Variants in DCC observed in about 807,000 individuals in gnomAD.
DCC encodes DCC netrin 1 receptor.
In DCC, 58 loss-of-function variants were observed where a neutral mutation model predicts 172.5. The observed-to-expected ratio is 0.34, with a 90% CI of 0.27 to 0.42. The LOEUF (loss-of-function observed/expected upper bound fraction) is 0.42. Among genes scored for constraint, DCC ranks in the 10% least tolerant of loss-of-function variants. The pLI, the probability that DCC is intolerant of heterozygous loss-of-function variation, is 1.00. For missense variants in DCC, 1,740 were observed against 1,791.0 expected, an observed-to-expected ratio of 0.97 and a Z score of 0.51; for synonymous variants, 709 against 644.5, an observed-to-expected ratio of 1.10 and a Z score of -1.52.
At chr18:53,021,333 A>G (rs2041879039) in intron 5 of DCC, among the ~76,000 whole-genome samples, 1 of 152,214 alleles carries the variant, frequency 6.6e-6, no homozygotes, top group Non-Finnish European at 1.5e-5. Flanking sequence ...ATTTTTCTTT[A>G]AAGCTATTGA....
intron 1 of DCC, among the ~76,000 whole-genome samples, chr18:52,739,495 A>G (rs759804593): frequency 3.9e-5 from 6 of 152,166 alleles, no homozygotes; most frequent in Non-Finnish European, 8.8e-5. Context: ...CAAAAATATG[A>G]TCTGCAACAG....
At position 53,088,512 on chromosome 18, in the gene DCC, A is replaced by G. The variant is rs193147225; in HGVS notation, c.1261+22346A>G. ...CTTAAGGAGATTTGGGGCTGAGACA[A>G]TGGGGTTTTCTAGATATACAATCAT... On this transcript the variant is annotated intron_variant, in intron 7 of 28. Coordinates refer to ENST00000442544, the MANE Select transcript of DCC (RefSeq NM_005215.4). Among the ~76,000 whole-genome samples, 24 of 152,294 alleles carry G rather than the reference A, an allele frequency of 1.6e-4. No individual in the cohort carries two copies. In the East Asian group the frequency reaches 4.4e-3, roughly 28 times the overall value.
chr18:52,534,339 T>A (rs2032231621), intron 1 of DCC, among the ~76,000 whole-genome samples: 1 of 152,114 alleles, frequency 6.6e-6, no homozygotes, highest in African/African-American at 2.4e-5. Flanking sequence ...TTGTTAAGAA[T>A]ACTTATTTAA....
At chr18:53,429,263 G>GACAACTTTTTTCACCT (rs1319248002) in intron 21 of DCC, among the ~76,000 whole-genome samples, 2 of 146,560 alleles carry the variant, frequency 1.4e-5, no homozygotes. Flanking sequence ...TTTAGAAGAT[G>GACAACTTTTTTCACCT]GTCTCTGCAA....
At chr18:52,495,314 C>T (rs1221200447) in intron 1 of DCC, among the ~76,000 whole-genome samples, 1 of 152,072 alleles carries the variant, frequency 6.6e-6, no homozygotes, top group Non-Finnish European at 1.5e-5. Context: ...TCGTTTTTGT[C>T]TCTGCAGGGC....
intron 1 of DCC, among the ~76,000 whole-genome samples, chr18:52,624,667 T>C (rs972413543): frequency 2.6e-5 from 4 of 152,214 alleles, no homozygotes; most frequent in African/African-American, 9.6e-5. Context: ...ATTGGTATTA[T>C]TAATGGTATT....
chr18:52,477,601 G>T (rs73955691), intron 1 of DCC, among the ~76,000 whole-genome samples: 4 of 152,168 alleles, frequency 2.6e-5, no homozygotes, highest in Admixed American at 2.6e-4. Context: ...TCACACAAGG[G>T]CTGCCAGCCC....
chr18:52,531,805 G>A (rs1236210762), intron 1 of DCC, among the ~76,000 whole-genome samples: 1 of 151,980 alleles, frequency 6.6e-6, no homozygotes. Context: ...TTTCTCCGAG[G>A]CTGAATATCT....
chr18:53,012,803 G>T (rs1366672051), intron 5 of DCC, among the ~76,000 whole-genome samples: 6 of 151,992 alleles, frequency 3.9e-5, no homozygotes, highest in Non-Finnish European at 7.4e-5. Context: ...CCTACAGAAT[G>T]GGAGAAAATT....
chr18:53,339,981 A>G (rs2057637620), intron 15 of DCC, 74 bp downstream of exon 15: 1 of 1,384,534 alleles, frequency 7.2e-7, no homozygotes, highest in Admixed American at 1.9e-5. Context: ...ATTTCTTGGA[A>G]AACTGTTCCC....
chr18:53,170,444 G>A (rs2054994823), intron 8 of DCC, among the ~76,000 whole-genome samples: 2 of 152,230 alleles, frequency 1.3e-5, no homozygotes, highest in East Asian at 1.9e-4. Flanking sequence ...TTTGGAGTGG[G>A]GGCAAGCCCC....
intron 2 of DCC, among the ~76,000 whole-genome samples, chr18:52,891,335 G>A (rs1164032816): frequency 6.6e-6 from 1 of 151,970 alleles, no homozygotes; most frequent in Non-Finnish European, 1.5e-5. Context: ...TTCAGTGTCT[G>A]GTGTGTCTAT....
intron 1 of DCC, among the ~76,000 whole-genome samples, chr18:52,442,344 G>A (rs952731860): frequency 6.6e-6 from 1 of 152,178 alleles, no homozygotes; most frequent in Admixed American, 6.5e-5. Flanking sequence ...GGTAGACTGA[G>A]CACTTGTGTC....
intron 5 of DCC, among the ~76,000 whole-genome samples, chr18:52,946,816 G>C (rs560252106): frequency 1.1e-4 from 17 of 152,230 alleles, no homozygotes; most frequent in African/African-American, 3.9e-4. Flanking sequence ...ATTTAATCCA[G>C]GGCCAAAATT....
chr18:53,347,812 G>A (rs1054668620), intron 15 of DCC, among the ~76,000 whole-genome samples: 6 of 152,094 alleles, frequency 3.9e-5, no homozygotes, highest in African/African-American at 1.4e-4. Context: ...GAGAGCTTGT[G>A]CAGAGAAACG....
chr18:52,488,918 A>G (rs1187385864), intron 1 of DCC, among the ~76,000 whole-genome samples: 3 of 152,074 alleles, frequency 2.0e-5, no homozygotes, highest in Non-Finnish European at 2.9e-5. Context: ...GAGTTTTGCA[A>G]CATAACTTCA....
At chr18:52,420,093 A>G (rs763811955) in intron 1 of DCC, among the ~76,000 whole-genome samples, 6 of 152,150 alleles carry the variant, frequency 3.9e-5, no homozygotes, top group Non-Finnish European at 7.4e-5. Context: ...AAATGTCCAC[A>G]TTATTTTTCG....
chr18:52,531,730 T>C (rs2032157513), intron 1 of DCC, among the ~76,000 whole-genome samples: 1 of 152,162 alleles, frequency 6.6e-6, no homozygotes, highest in Non-Finnish European at 1.5e-5. Context: ...CGACATCCCT[T>C]GACATCCATA....
intron 12 of DCC, among the ~76,000 whole-genome samples, chr18:53,279,654 A>T (rs1182716996): frequency 6.6e-6 from 1 of 151,814 alleles, no homozygotes; most frequent in Non-Finnish European, 1.5e-5. Context: ...TAATAAAAAA[A>T]AAAAAAAAAA....
Sources: allele counts gnomAD v4.1 joint callset (sites outside exome capture counted in the v4.1 genomes callset), GRCh38; gene constraint gnomAD v4.1.1; transcripts MANE v1.5; gene names NCBI Gene and HGNC (gene_info 2026-07-23, HGNC 2026-07-21).